PPP4R4: variants seen among roughly 807,000 people sequenced by gnomAD.
PPP4R4 encodes protein phosphatase 4 regulatory subunit 4.
Under a neutral mutation model 121.8 loss-of-function variants are expected in PPP4R4, and 70 were observed. The ratio of observed to expected loss-of-function variants is 0.57; its 90% CI spans 0.47 to 0.70. PPP4R4 has a LOEUF of 0.70. Among genes scored for constraint, PPP4R4 ranks in the 30% least tolerant of loss-of-function variants. PPP4R4 has a pLI of 0.00. For synonymous variants in PPP4R4, 348 were observed against 355.7 expected, an observed-to-expected ratio of 0.98 and a Z score of 0.24; for missense variants, 875 against 1,033.6, an observed-to-expected ratio of 0.85 and a Z score of 2.10.
chr14:94,231,377 G>C (rs1892023978), intron 5 of PPP4R4, 62 bp downstream of exon 5: 1 of 1,378,536 alleles, frequency 7.3e-7, no homozygotes, highest in Admixed American at 2.1e-5. Context: ...TTTTTAAAAG[G>C]TTTCTTGTCA....
In PPP4R4 at chr14:94,275,456, G is replaced by A. The variant is rs1403830554; in HGVS notation, c.2532G>A (p.Gly844=). The A allele has an allele frequency of 5.0e-6, 8 of 1,613,996 alleles. No individual in the cohort carries two copies. Among genetic ancestry groups the A allele is most frequent in the Non-Finnish European group, 6.8e-6 (8 of 1,179,944 alleles). The part of the protein sequence containing the change: ...PNTPLPSTSR[G]TGNSVDPKSS... ...CTCCCTTACCGAGTACTTCCCGTGG[G>A]ACAGGTAACTCAGTTGACCCCAAGA... is the stretch of plus-strand genomic sequence containing the variant. Residue 844 remains glycine (G), a synonymous_variant, in exon 24 of 25, where the codon GGG becomes GGA. Coordinates refer to ENST00000304338, the MANE Select transcript of PPP4R4 (RefSeq NM_058237.2).
chr14:94,210,048 C>CT (rs914153766), intron 3 of PPP4R4, among the ~76,000 whole-genome samples: 14 of 151,582 alleles, frequency 9.2e-5, no homozygotes, highest in South Asian at 2.1e-4. Context: ...ATATTATACA[C>CT]TTTTTTTTAT....
intron 11 of PPP4R4, among the ~76,000 whole-genome samples, chr14:94,244,144 T>C (rs1259038204): frequency 6.6e-6 from 1 of 152,186 alleles, no homozygotes; most frequent in Non-Finnish European, 1.5e-5. Context: ...CCAACTCCTC[T>C]CATGCTGGTT....
chr14:94,188,346 T>A (rs533802637), intron 2 of PPP4R4, among the ~76,000 whole-genome samples: 17 of 152,278 alleles, frequency 1.1e-4, no homozygotes, highest in African/African-American at 4.1e-4. Flanking sequence ...GCTAATATTT[T>A]GTGGAGGATT....
chr14:94,276,394 A>G (rs1307856883), intron 24 of PPP4R4, among the ~76,000 whole-genome samples: 1 of 152,180 alleles, frequency 6.6e-6, no homozygotes, highest in Non-Finnish European at 1.5e-5. Context: ...GGCCTGGGTA[A>G]TTTATGAAGC....
At chr14:94,251,947 C>T in intron 16 of PPP4R4, 51 bp downstream of exon 16, 4 of 1,432,050 alleles carry the variant, frequency 2.8e-6, no homozygotes, top group African/African-American at 1.5e-5. Flanking sequence ...TTTTTATCTA[C>T]TATAGTGAAC....
chr14:94,178,875 A>G (rs535461997), intron 2 of PPP4R4, among the ~76,000 whole-genome samples: 1 of 152,198 alleles, frequency 6.6e-6, no homozygotes, highest in East Asian at 1.9e-4. Flanking sequence ...CATGTGAGTG[A>G]TTTTATTATA....
intron 19 of PPP4R4, among the ~76,000 whole-genome samples, chr14:94,261,518 TA>T (rs1893785351): frequency 4.6e-5 from 7 of 152,082 alleles, no homozygotes; most frequent in Admixed American, 4.6e-4. Flanking sequence ...CTTCTTTAAA[TA>T]CAGCAATATT....
At chr14:94,244,934 A>G (rs1757835982) in intron 12 of PPP4R4, among the ~76,000 whole-genome samples, 1 of 152,128 alleles carries the variant, frequency 6.6e-6, no homozygotes, top group African/African-American at 2.4e-5. Context: ...GTATATGTAT[A>G]TTTGTTTATT....
intron 2 of PPP4R4, among the ~76,000 whole-genome samples, chr14:94,183,743 G>A (rs764288267): frequency 3.9e-5 from 6 of 152,048 alleles, no homozygotes; most frequent in African/African-American, 7.2e-5. Flanking sequence ...CTCTGAAAGC[G>A]TAATAACATA....
rs541920746 is a variant in PPP4R4, at chr14:94,246,649, T to C, written c.1611+110T>C. On this transcript the variant is annotated intron_variant, in intron 14 of 24. Coordinates refer to ENST00000304338, the MANE Select transcript of PPP4R4 (RefSeq NM_058237.2). The stretch of plus-strand genomic sequence containing the variant: ...AGAACAAACTCAGTTCATTCCATTC[T>C]ACCTAGGAGGATGTCAGCTTCGTAG... 128 of 1,220,420 alleles carry C rather than the reference T, an allele frequency of 1.0e-4. No homozygotes were observed. The East Asian group carries it at 2.5e-3, about 23-fold the overall frequency. 75.6% of individuals were successfully genotyped at this position (1,220,420 alleles called of 1,614,324 possible).
chr14:94,267,772 G>A (rs1250368978), intron 23 of PPP4R4, among the ~76,000 whole-genome samples: 1 of 152,138 alleles, frequency 6.6e-6, no homozygotes, highest in Non-Finnish European at 1.5e-5. Flanking sequence ...GGTGTAAATA[G>A]TAGTGAATCT....
chr14:94,231,733 T>C (rs1892049421), intron 5 of PPP4R4, among the ~76,000 whole-genome samples: 1 of 152,198 alleles, frequency 6.6e-6, no homozygotes, highest in South Asian at 2.1e-4. Flanking sequence ...GAATAGGACA[T>C]TAATGAGCAT....
chr14:94,175,661 C>T (rs1395473735), intron 1 of PPP4R4: 1 of 191,356 alleles, frequency 5.2e-6, no homozygotes, highest in Non-Finnish European at 1.1e-5. Flanking sequence ...TCATCCATCT[C>T]CCTTTTAGCA....
chr14:94,227,524 A>G (rs1215912798), intron 3 of PPP4R4: 1 of 1,332,812 alleles, frequency 7.5e-7, no homozygotes, highest in Non-Finnish European at 9.6e-7. Flanking sequence ...CAACAAGAGA[A>G]AAACCCAAAT....
chr14:94,251,083 C>T (rs1458554109), intron 15 of PPP4R4, among the ~76,000 whole-genome samples: 1 of 151,878 alleles, frequency 6.6e-6, no homozygotes, highest in African/African-American at 2.4e-5. Flanking sequence ...TTTCATTTTT[C>T]AGTGGCAAGA....
rs148144299 is a variant in PPP4R4 at position 94,268,644 on chromosome 14, G to A, written c.2449+1615G>A. On this transcript the variant is annotated intron_variant, in intron 23 of 24. Coordinates refer to ENST00000304338, the MANE Select transcript of PPP4R4 (RefSeq NM_058237.2). ...GTTTAATTGACTCACAGTTCCACAC[G>A]GCTGGGGAGGCCTCACAATCATGGC... Among the ~76,000 whole-genome samples the A allele has an allele frequency of 2.9e-3, 442 of 152,250 alleles. 4 individuals are homozygous for A. The highest frequency in any genetic ancestry group is 4.7e-3 in the Non-Finnish European group (318 of 68,002).
intron 23 of PPP4R4, among the ~76,000 whole-genome samples, chr14:94,273,462 G>A (rs1229634724): frequency 6.6e-6 from 1 of 152,140 alleles, no homozygotes; most frequent in Admixed American, 6.6e-5. Flanking sequence ...TTCGGGGGAA[G>A]GAGAAATGAA....
At chr14:94,206,838 G>T (rs753358525) in intron 2 of PPP4R4, among the ~76,000 whole-genome samples, 1 of 151,946 alleles carries the variant, frequency 6.6e-6, no homozygotes, top group African/African-American at 2.4e-5. Context: ...CGCAAACCAG[G>T]TGGCTTAAAA....
Sources: gnomAD v4.1 joint callset for allele counts (sites outside exome capture counted in the v4.1 genomes callset) on GRCh38, gnomAD v4.1.1 for gene constraint, MANE v1.5 for transcripts, NCBI Gene and HGNC (gene_info 2026-07-23, HGNC 2026-07-21) for gene names.